MAPK10: variants seen among roughly 807,000 people sequenced by gnomAD.
MAPK10 encodes JNK3 alpha protein kinase.
A neutral mutation model predicts 59.3 loss-of-function variants in MAPK10; 25 were observed. The observed-to-expected ratio is 0.42, with a 90% confidence interval of 0.31 to 0.59. MAPK10 has a LOEUF of 0.59. Ranked by LOEUF, MAPK10 falls within the 20% of genes least tolerant of loss-of-function variation. The pLI is 0.15. For missense variants in MAPK10, 351 were observed against 568.9 expected (o/e 0.62, Z 3.90); for synonymous variants, 190 against 200.5 (o/e 0.95, Z 0.44).
At chr4:86,126,482 C>G (rs530509939) in intron 4 of MAPK10, among the ~76,000 whole-genome samples, 17 of 152,064 alleles carry the variant, frequency 1.1e-4, no homozygotes, top group Non-Finnish European at 2.5e-4. Context: ...AAATTATATT[C>G]ACTAATGCCA....
At chr4:86,021,646 A>G (rs1284883122) in intron 13 of MAPK10, among the ~76,000 whole-genome samples, 1 of 152,212 alleles carries the variant, frequency 6.6e-6, no homozygotes, top group Non-Finnish European at 1.5e-5. Flanking sequence ...ACTGGGCGCC[A>G]TGGAGCAGGG....
intron 2 of MAPK10, among the ~76,000 whole-genome samples, chr4:86,206,287 T>C (rs2083937021): frequency 1.3e-5 from 2 of 151,616 alleles, no homozygotes; most frequent in African/African-American, 2.4e-5. Context: ...TGAGTGAGAA[T>C]ATGCGGTGTT....
Position 86,165,647 on chromosome 4 carries a change from C to T in MAPK10, c.67-6180G>A, listed in dbSNP as rs553119313. On this transcript the variant is annotated intron_variant, in intron 3 of 13. Coordinates refer to ENST00000641462, the MANE Select transcript of MAPK10 (RefSeq NM_138982.4). ...AACTCCTGGCCTCAAACAATTCTCCCGCCTCAGCCTTCCAAAATGCTGATA... is the reference window on the plus strand; with the variant it reads ...AACTCCTGGCCTCAAACAATTCTCCTGCCTCAGCCTTCCAAAATGCTGATA... 2.9e-3 allele frequency among the ~76,000 whole-genome samples: 433 copies of T among 148,890 alleles called. 2 individuals carry two copies. Among genetic ancestry groups the T allele is most frequent in the Non-Finnish European group, 5.3e-3 (357 of 67,524 alleles).
At chr4:86,040,660 C>T (rs1323218570) in intron 11 of MAPK10, among the ~76,000 whole-genome samples, 1 of 151,970 alleles carries the variant, frequency 6.6e-6, no homozygotes, top group Admixed American at 6.6e-5. Context: ...AACAAGATTA[C>T]ACCAAGATAT....
chr4:86,242,601 T>C (rs1348165182), intron 2 of MAPK10, among the ~76,000 whole-genome samples: 1 of 152,110 alleles, frequency 6.6e-6, no homozygotes, highest in Admixed American at 6.5e-5. Context: ...TGGGTCAGGG[T>C]TAGACCTGAA....
chr4:86,197,388 G>A (rs2081576791), intron 2 of MAPK10, among the ~76,000 whole-genome samples: 1 of 152,154 alleles, frequency 6.6e-6, no homozygotes, highest in African/African-American at 2.4e-5. Context: ...AGGAATGCTT[G>A]TGATTTTTGC....
chr4:86,222,321 T>G (rs557804898), intron 2 of MAPK10, among the ~76,000 whole-genome samples: 1 of 152,324 alleles, frequency 6.6e-6, no homozygotes, highest in South Asian at 2.1e-4. Context: ...GGCACTCATT[T>G]ATCCAAATGC....
chr4:86,089,522 T>C, intron 9 of MAPK10: 1 of 380,444 alleles, frequency 2.6e-6, no homozygotes, highest in Non-Finnish European at 4.7e-6. Context: ...TAGAATAATA[T>C]TACTTTGCAA....
At chr4:86,319,205 G>T (rs2095844970) in intron 2 of MAPK10, among the ~76,000 whole-genome samples, 1 of 152,132 alleles carries the variant, frequency 6.6e-6, no homozygotes, top group African/African-American at 2.4e-5. Flanking sequence ...GTGAGAACTA[G>T]GGAACACAAG....
At chr4:86,564,408 C>T (rs1760909531) in intron 1 of MAPK10, among the ~76,000 whole-genome samples, 1 of 152,178 alleles carries the variant, frequency 6.6e-6, no homozygotes, top group Admixed American at 6.5e-5. Context: ...ACAGAAGTTG[C>T]CTCTCCAAAA....
chr4:86,198,373 A>T (rs998994277), intron 2 of MAPK10, among the ~76,000 whole-genome samples: 2 of 152,048 alleles, frequency 1.3e-5, no homozygotes, highest in Non-Finnish European at 1.5e-5. Flanking sequence ...ACATCATCCT[A>T]TGGGAACTGG....
Position 86,262,449 on chromosome 4 carries a change from C to T in MAPK10, c.-6-68042G>A, listed in dbSNP as rs972682421. ...AGAACCTAAAAAGACCCCCTGGCCC[C>T]CACCTTCAGAGTTTAGGGCAAAGTA... On this transcript the variant is annotated intron_variant, in intron 2 of 13. Transcript: ENST00000641462. Among the ~76,000 whole-genome samples the T allele has an allele frequency of 2.0e-5, 3 of 152,250 alleles. No individual in the cohort carries two copies. In the South Asian group the frequency reaches 6.2e-4, roughly 32 times the overall value.
At chr4:86,579,160 T>C (rs1762093184) in intron 1 of MAPK10, among the ~76,000 whole-genome samples, 2 of 152,190 alleles carry the variant, frequency 1.3e-5, no homozygotes, top group Admixed American at 6.5e-5. Flanking sequence ...AAAGTTTATG[T>C]TACTACTACA....
intron 3 of MAPK10, among the ~76,000 whole-genome samples, chr4:86,187,915 C>T (rs1395642722): frequency 3.3e-5 from 5 of 151,886 alleles, no homozygotes; most frequent in Admixed American, 1.3e-4. Context: ...CTATCCCTCT[C>T]GACATGCCCT....
intron 2 of MAPK10, among the ~76,000 whole-genome samples, chr4:86,262,906 GA>G: frequency 6.6e-6 from 1 of 152,120 alleles, no homozygotes; most frequent in South Asian, 2.1e-4. Flanking sequence ...GGGCAGCATG[GA>G]ACTTATCAAC....
intron 1 of MAPK10, among the ~76,000 whole-genome samples, chr4:86,438,069 G>C (rs1286412321): frequency 1.3e-5 from 2 of 152,146 alleles, no homozygotes; most frequent in African/African-American, 4.8e-5. Context: ...GGAATTCAGG[G>C]CATTGGTTAC....
Position 86,174,719 on chromosome 4 carries a change from G to A in MAPK10, c.67-15252C>T, listed in dbSNP as rs1479339989. Among the ~76,000 whole-genome samples the A allele has an allele frequency of 2.6e-5, 4 of 152,248 alleles. No individual in the cohort carries two copies. In the East Asian group the frequency reaches 7.7e-4, roughly 29 times the overall value. ...TAAACTCCTGAGTCACCAGATAGAG[G>A]ACAACCCTTGCTCACCTGAATTGGA... On this transcript the variant is annotated intron_variant, in intron 3 of 13. Transcript: ENST00000641462.
chr4:86,158,519 T>C lies in MAPK10; in HGVS notation c.236+779A>G, dbSNP rs185042930. Among the ~76,000 whole-genome samples, 6 of 151,916 alleles carry C rather than the reference T, an allele frequency of 3.9e-5. No homozygotes were observed. In the South Asian group the frequency reaches 6.2e-4, roughly 16 times the overall value. On this transcript the variant is annotated intron_variant, in intron 4 of 13. Transcript: ENST00000641462. ...AATATCCTTTATAAATAAATACACA[T>C]ATATAAATATACATATTCAGGGTAC...
chr4:86,415,682 T>A (rs1183642769), intron 1 of MAPK10, among the ~76,000 whole-genome samples: 1 of 152,214 alleles, frequency 6.6e-6, no homozygotes, highest in African/African-American at 2.4e-5. Flanking sequence ...CTCAAAATCA[T>A]TTAATGGTGA....
Sources: gnomAD v4.1 joint callset for allele counts (sites outside exome capture counted in the v4.1 genomes callset) on GRCh38, gnomAD v4.1.1 for gene constraint, MANE v1.5 for transcripts, NCBI Gene and HGNC (gene_info 2026-07-23, HGNC 2026-07-21) for gene names.